Variants in PRKCB observed in about 807,000 individuals in gnomAD.
PRKCB encodes the protein protein kinase C beta.
A neutral mutation model predicts 81.5 loss-of-function variants in PRKCB; 13 were observed. The ratio of observed to expected loss-of-function variants is 0.16; its 90% CI spans 0.10 to 0.25. The LOEUF is 0.25. Ranked by LOEUF, PRKCB falls within the 10% of genes least tolerant of loss-of-function variation. The pLI is 1.00. For missense variants in PRKCB, 509 were observed against 875.7 expected, an observed-to-expected ratio of 0.58 and a Z score of 5.29; for synonymous variants, 335 against 321.4, an observed-to-expected ratio of 1.04 and a Z score of -0.45.
chr16:24,129,340 C>A (rs1326895968), intron 9 of PRKCB, among the ~76,000 whole-genome samples: 1 of 151,946 alleles, frequency 6.6e-6, no homozygotes, highest in Non-Finnish European at 1.5e-5. Flanking sequence ...AGCTGGTGTG[C>A]TATAGTGGAC....
At chr16:23,841,023 C>A (rs1335985882) in intron 2 of PRKCB, among the ~76,000 whole-genome samples, 1 of 152,144 alleles carries the variant, frequency 6.6e-6, no homozygotes. Flanking sequence ...AGAAGTGGAA[C>A]TCCTTTGACA....
intron 2 of PRKCB, among the ~76,000 whole-genome samples, chr16:23,933,185 A>G (rs1964002200): frequency 6.6e-6 from 1 of 152,184 alleles, no homozygotes. Flanking sequence ...TGGGTCATGT[A>G]GGAAAGACTC....
At chr16:23,955,396 T>C (rs1443504952) in intron 2 of PRKCB, among the ~76,000 whole-genome samples, 1 of 152,170 alleles carries the variant, frequency 6.6e-6, no homozygotes, top group Non-Finnish European at 1.5e-5. Flanking sequence ...CATGCCCCTG[T>C]GTGCCATATA....
Position 24,185,558 on chromosome 16 carries a change from C to T in PRKCB, c.1713C>T (p.Ile571=). ...CTATGTCCAAGGAAGCTGTGGCCAT[C>T]TGCAAAGGGGTAAGTGCATCTCTTA... The part of the protein sequence containing the change: ...PKSMSKEAVA[I]CKGLMTKHPG... The change falls in exon 15 of 17, where the codon ATC becomes ATT. Residue 571 remains isoleucine (I), a synonymous_variant. Coordinates refer to ENST00000643927, the MANE Select transcript of PRKCB (RefSeq NM_002738.7). The T allele has an allele frequency of 1.9e-6, 3 of 1,612,834 alleles. No homozygotes were observed. Among genetic ancestry groups the T allele is most frequent in the African/African-American group, 1.3e-5 (1 of 75,020 alleles).
At chr16:23,953,830 T>A (rs1234058853) in intron 2 of PRKCB, among the ~76,000 whole-genome samples, 1 of 151,388 alleles carries the variant, frequency 6.6e-6, no homozygotes, top group Non-Finnish European at 1.5e-5. Context: ...AAGGAGCATA[T>A]AGTCAAAGAG....
chr16:23,869,770 C>T (rs12931600), intron 2 of PRKCB, among the ~76,000 whole-genome samples: 73,004 of 152,038 alleles, frequency 0.48, 18,292 homozygotes, highest in East Asian at 0.62. Context: ...GCCTGTAATC[C>T]CAGCACTTTG....
chr16:24,010,220 A>C (rs565662175), intron 3 of PRKCB, among the ~76,000 whole-genome samples: 1 of 152,272 alleles, frequency 6.6e-6, no homozygotes, highest in African/African-American at 2.4e-5. Flanking sequence ...TGAACACCCT[A>C]TCTGAAAGGG....
chr16:23,938,841 T>A (rs892446293), intron 2 of PRKCB, among the ~76,000 whole-genome samples: 1 of 152,220 alleles, frequency 6.6e-6, no homozygotes, highest in Admixed American at 6.5e-5. Context: ...CATAGTGCTG[T>A]ATGTTCCTGT....
chr16:23,887,471 A>G (rs1266839638), intron 2 of PRKCB, among the ~76,000 whole-genome samples: 2 of 152,166 alleles, frequency 1.3e-5, no homozygotes, highest in Non-Finnish European at 2.9e-5. Flanking sequence ...TTTCTGTGAT[A>G]ATTCACTTAG....
intron 3 of PRKCB, among the ~76,000 whole-genome samples, chr16:24,021,072 C>CTCCCTTCT: frequency 5.3e-5 from 5 of 94,464 alleles, no homozygotes; most frequent in South Asian, 3.7e-4. Flanking sequence ...CCCTCCCTCC[C>CTCCCTTCT]TTCTTTCTTT....
chr16:23,864,409 T>C (rs936872469), intron 2 of PRKCB, among the ~76,000 whole-genome samples: 1 of 152,212 alleles, frequency 6.6e-6, no homozygotes, highest in African/African-American at 2.4e-5. Context: ...CAGGGCAGTA[T>C]AGTGAGAACT....
intron 16 of PRKCB, among the ~76,000 whole-genome samples, chr16:24,205,489 C>T (rs1023151578): frequency 5.9e-5 from 9 of 152,140 alleles, no homozygotes; most frequent in Non-Finnish European, 1.2e-4. Context: ...TTTGTTTCTG[C>T]GATAAATGTA....
chr16:24,113,947 T>TG (rs1231556365), intron 8 of PRKCB, among the ~76,000 whole-genome samples: 1 of 151,910 alleles, frequency 6.6e-6, no homozygotes, highest in African/African-American at 2.4e-5. Flanking sequence ...CCGGGTGCGG[T>TG]GGCTCACACC....
chr16:23,865,304 T>C (rs1354752046), intron 2 of PRKCB, among the ~76,000 whole-genome samples: 2 of 148,548 alleles, frequency 1.3e-5, no homozygotes, highest in Non-Finnish European at 1.5e-5. Context: ...TGGTTTTTTG[T>C]TTGTTTGTTT....
intron 2 of PRKCB, among the ~76,000 whole-genome samples, chr16:23,984,147 A>G (rs965770248): frequency 6.6e-6 from 1 of 152,242 alleles, no homozygotes; most frequent in African/African-American, 2.4e-5. Context: ...AGGAATGGGA[A>G]TAAATTAATT....
intron 7 of PRKCB, among the ~76,000 whole-genome samples, chr16:24,105,494 C>T (rs553353807): frequency 2.0e-5 from 3 of 152,124 alleles, no homozygotes; most frequent in African/African-American, 7.2e-5. Context: ...TCAAGCCCCG[C>T]ATGCATTAGG....
intron 2 of PRKCB, among the ~76,000 whole-genome samples, chr16:23,915,953 A>G (rs1041417396): frequency 3.9e-5 from 6 of 152,144 alleles, no homozygotes; most frequent in Non-Finnish European, 8.8e-5. Context: ...AACTTAATAC[A>G]TGTTATTCAG....
intron 9 of PRKCB, among the ~76,000 whole-genome samples, chr16:24,124,988 A>G (rs1456212581): frequency 2.0e-5 from 3 of 152,204 alleles, no homozygotes; most frequent in Non-Finnish European, 4.4e-5. Context: ...CACCTGGATA[A>G]CTGCAGAAAC....
At position 24,207,135 on chromosome 16, in the gene PRKCB, G is replaced by A. The variant is rs180809822; in HGVS notation, c.1864-7523G>A. On this transcript the variant is annotated intron_variant, in intron 16 of 16. Transcript: ENST00000643927. ...TGTAGAGACAGGGTCTTGCTATGTT[G>A]CCCAGGCTGGTCTCACACTCCTAGC... 3.3e-5 allele frequency among the ~76,000 whole-genome samples: 5 copies of A among 152,264 alleles called. No individual in the cohort carries two copies. The East Asian group carries it at 9.6e-4, about 29-fold the overall frequency.
Sources: allele counts gnomAD v4.1 joint callset (sites outside exome capture counted in the v4.1 genomes callset), GRCh38; gene constraint gnomAD v4.1.1; transcripts MANE v1.5; gene names NCBI Gene and HGNC (gene_info 2026-07-23, HGNC 2026-07-21).